Variants in NEK1 observed in about 807,000 individuals in gnomAD.
NEK1 encodes NIMA related kinase 1.
NEK1 carries 137 observed loss-of-function variants against 182.1 expected under a neutral mutation model. That is an observed-to-expected ratio of 0.75 (90% CI 0.65 to 0.87). The LOEUF is 0.87. Ranked by LOEUF, NEK1 falls within the 40% of genes least tolerant of loss-of-function variation. NEK1 has a pLI of 0.00. For synonymous variants in NEK1, 513 were observed against 492.2 expected (o/e 1.04, Z -0.56); for missense variants, 1,391 against 1,494.4 (o/e 0.93, Z 1.14).
chr4:169,447,038 T>A (rs534935525), intron 27 of NEK1, among the ~76,000 whole-genome samples: 1 of 152,230 alleles, frequency 6.6e-6, no homozygotes, highest in East Asian at 1.9e-4. Flanking sequence ...AGGGATAATG[T>A]CAGAGAACTT....
intron 21 of NEK1, 43 bp from the exon 22 acceptor site, chr4:169,507,835 T>C (rs1753570502): frequency 7.4e-7 from 1 of 1,355,308 alleles, no homozygotes; most frequent in East Asian, 2.3e-5. Flanking sequence ...GATAGAATCA[T>C]CAAATTGAGT....
Position 169,561,897 on chromosome 4 carries a change from A to AT in NEK1, c.1081-7dup, listed in dbSNP as rs1166987966. The AT allele has an allele frequency of 2.5e-6, 4 of 1,590,504 alleles. No homozygotes were observed. In the African/African-American group the frequency reaches 5.6e-5, roughly 22 times the overall value. ...CTTCTCTTTCTTGCTGCTTCCTTAA[A>AT]TAAAAAAAAGAACATTTTAATCCAT... On this transcript the variant is annotated splice_polypyrimidine_tract_variant and splice_region_variant and intron_variant, in intron 13 of 35. Coordinates refer to ENST00000507142, the MANE Select transcript of NEK1 (RefSeq NM_001199397.3).
rs1379492576 is a variant in NEK1, at chr4:169,400,278, T to C, written c.3794A>G (p.His1265Arg). 6.4e-7 allele frequency: 1 copy of C among 1,569,642 alleles called. No individual in the cohort carries two copies. Among genetic ancestry groups the C allele is most frequent in the Admixed American group, 1.8e-5 (1 of 54,154 alleles). The change falls in exon 35 of 36, where the codon CAT becomes CGT. Residue 1265 changes from histidine to arginine, a missense_variant. By Grantham distance (29) the His-to-Arg change is conservative. This residue lies in a region of NEK1 where 1,216 missense variants were observed against 1,277.6 expected (regional missense o/e 0.95). Coordinates refer to ENST00000507142, the MANE Select transcript of NEK1 (RefSeq NM_001199397.3). Reference sequence around the variant, plus strand: ...TAAATGAAGAATCTTGGCATAAAGATGCTGATGTTCATTTCCCAAAATATT... The same window carrying C: ...TAAATGAAGAATCTTGGCATAAAGACGCTGATGTTCATTTCCCAAAATATT... ...VQNILGNEHQHLYAKILHLVM... is the reference protein window; with the variant it reads ...VQNILGNEHQRLYAKILHLVM...
intron 33 of NEK1, 93 bp downstream of exon 33, chr4:169,401,559 G>T: frequency 9.8e-7 from 1 of 1,020,126 alleles, no homozygotes. Context: ...ATTTAAAGTT[G>T]GAAATGGTTC....
At chr4:169,562,672 A>T (rs1763096710) in intron 12 of NEK1, among the ~76,000 whole-genome samples, 1 of 152,180 alleles carries the variant, frequency 6.6e-6, no homozygotes, top group Non-Finnish European at 1.5e-5. Context: ...GTACTTATAT[A>T]TACAGTTCAA....
rs370707288 is a variant in NEK1, at chr4:169,555,689, T to C, written c.1562+31A>G. 101 of 1,613,248 alleles carry C rather than the reference T, an allele frequency of 6.3e-5. 1 individual carries two copies. Among genetic ancestry groups the C allele is most frequent in the African/African-American group, 1.9e-4 (14 of 74,896 alleles). ...ATGACAAACGACAAAATTACACACA[T>C]GGATGAATTCATGGATCATCACAGT... On this transcript the variant is annotated intron_variant, in intron 18 of 35. Coordinates refer to ENST00000507142, the MANE Select transcript of NEK1 (RefSeq NM_001199397.3).
rs1164370118 is a variant in NEK1 at position 169,433,652 on chromosome 4, C to T, written c.2778G>A (p.Leu926=). 7 of 1,613,144 alleles carry T rather than the reference C, an allele frequency of 4.3e-6. No individual in the cohort carries two copies. The highest frequency in any genetic ancestry group is 1.3e-5 in the African/African-American group (1 of 74,890). ...TTGGCTCTTGTAGAATTTCTGTTTC[C>T]AAATCATCAGGTTCTGCAAAGGATA... is the stretch of plus-strand genomic sequence containing the variant. The part of the protein sequence containing the change: ...LEGNLEEPDD[L]ETEILQEPSG... Residue 926 remains leucine (L), a synonymous_variant, in exon 29 of 36, where the codon TTG becomes TTA. Coordinates refer to ENST00000507142, the MANE Select transcript of NEK1 (RefSeq NM_001199397.3).
At chr4:169,525,959 A>C (rs566170272) in intron 19 of NEK1, among the ~76,000 whole-genome samples, 1 of 152,206 alleles carries the variant, frequency 6.6e-6, no homozygotes, top group East Asian at 1.9e-4. Context: ...AACCAGTAAC[A>C]CTGGAATAAA....
At chr4:169,580,978 C>A in intron 10 of NEK1, 76 bp from the exon 11 acceptor site, 3 of 545,976 alleles carry the variant, frequency 5.5e-6, no homozygotes, top group East Asian at 1.1e-4. Flanking sequence ...AATTATAATA[C>A]ATCTTCCCCT....
chr4:169,432,441 C>A (rs1018783818), intron 29 of NEK1, among the ~76,000 whole-genome samples: 4 of 152,104 alleles, frequency 2.6e-5, no homozygotes, highest in African/African-American at 4.8e-5. Context: ...TTCATTGCAG[C>A]ATCATTTGTA....
intron 19 of NEK1, among the ~76,000 whole-genome samples, chr4:169,515,574 C>T (rs1463066665): frequency 7.1e-6 from 1 of 140,986 alleles, no homozygotes; most frequent in Non-Finnish European, 1.5e-5. Flanking sequence ...CATATGTATA[C>T]ATGTGCCATG....
chr4:169,541,237 T>C (rs1442276140), intron 18 of NEK1, among the ~76,000 whole-genome samples: 1 of 152,154 alleles, frequency 6.6e-6, no homozygotes, highest in African/African-American at 2.4e-5. Context: ...AACGAAACTG[T>C]TGTTAGTTTT....
intron 30 of NEK1, 45 bp from the exon 31 acceptor site, chr4:169,424,845 T>TA (rs771535788): frequency 2.8e-5 from 42 of 1,509,214 alleles, no homozygotes; most frequent in Middle Eastern, 1.8e-4. Context: ...ATACAGTACT[T>TA]AAAGTTCTAA....
At chr4:169,592,294 C>T (rs1052457353) in intron 5 of NEK1, among the ~76,000 whole-genome samples, 1 of 152,010 alleles carries the variant, frequency 6.6e-6, no homozygotes, top group Non-Finnish European at 1.5e-5. Flanking sequence ...GCACTGTTAG[C>T]CAGAACCCAA....
chr4:169,465,600 A>C (rs1301187811), intron 26 of NEK1, among the ~76,000 whole-genome samples: 1 of 152,126 alleles, frequency 6.6e-6, no homozygotes, highest in Non-Finnish European at 1.5e-5. Context: ...CACTCAAAAG[A>C]AGCAGAGGTA....
At chr4:169,568,171 G>C (rs999661289) in intron 12 of NEK1, among the ~76,000 whole-genome samples, 1 of 152,120 alleles carries the variant, frequency 6.6e-6, no homozygotes, top group African/African-American at 2.4e-5. Context: ...AAGTCCACTC[G>C]AGCGTGTATT....
chr4:169,399,853 G>C (rs1324179999), intron 35 of NEK1, among the ~76,000 whole-genome samples: 2 of 151,998 alleles, frequency 1.3e-5, no homozygotes, highest in African/African-American at 4.8e-5. Context: ...TCAAACTCCT[G>C]GCCTCAAGCC....
At chr4:169,452,918 G>A (rs1306889984) in intron 27 of NEK1, among the ~76,000 whole-genome samples, 21 of 152,072 alleles carry the variant, frequency 1.4e-4, no homozygotes, top group South Asian at 2.1e-4. Flanking sequence ...AAACCCTATC[G>A]TCTCAGCCCC....
chr4:169,559,329 G>GT (rs1580760108), intron 16 of NEK1, among the ~76,000 whole-genome samples: 1 of 152,276 alleles, frequency 6.6e-6, no homozygotes, highest in East Asian at 1.9e-4. Context: ...TTCCAATCAG[G>GT]TAAGATGTGA....
Sources: gnomAD v4.1 joint callset for allele counts (sites outside exome capture counted in the v4.1 genomes callset) on GRCh38, gnomAD v4.1.1 for gene constraint, gnomAD v4.1.1 regional missense constraint, MANE v1.5 for transcripts, NCBI Gene and HGNC (gene_info 2026-07-23, HGNC 2026-07-21) for gene names.